The following HNRNPC variants were observed in gnomAD, a reference collection of about 807,000 sequenced individuals.
HNRNPC encodes the protein heterogeneous nuclear ribonucleoprotein C, also known as heterogeneous nuclear ribonucleoproteins C1/C2.
Under a neutral mutation model 33.2 loss-of-function variants are expected in HNRNPC, and 3 were observed. That is an observed-to-expected ratio of 0.09 (90% CI 0.04 to 0.23). The LOEUF is 0.23. HNRNPC is among the 10% of genes least tolerant of loss of function. HNRNPC has a pLI of 1.00. For missense variants in HNRNPC, 143 were observed against 366.7 expected, an observed-to-expected ratio of 0.39 and a Z score of 4.98; for synonymous variants, 121 against 126.7, an observed-to-expected ratio of 0.96 and a Z score of 0.30.
chr14:21,247,895 GAGAA>G (rs1329730896), intron 2 of HNRNPC, among the ~76,000 whole-genome samples: 2 of 151,870 alleles, frequency 1.3e-5, no homozygotes, highest in South Asian at 2.1e-4. Flanking sequence ...GCCGAGGCAT[GAGAA>G]AGAATCGCCA....
At chr14:21,227,915 C>T (rs1299169474) in intron 5 of HNRNPC, among the ~76,000 whole-genome samples, 2 of 152,138 alleles carry the variant, frequency 1.3e-5, no homozygotes, top group Admixed American at 6.5e-5. Context: ...TGAGCCATGA[C>T]AAAGAAATAG....
At chr14:21,244,436 C>T (rs774169716) in intron 2 of HNRNPC, among the ~76,000 whole-genome samples, 2 of 152,078 alleles carry the variant, frequency 1.3e-5, no homozygotes, top group African/African-American at 2.4e-5. Flanking sequence ...TTTAATTTCC[C>T]CCGAGGTCCC....
intron 1 of HNRNPC, chr14:21,264,044 T>A (rs1878592019): frequency 6.6e-6 from 1 of 152,190 alleles, no homozygotes; most frequent in South Asian, 2.1e-4. Flanking sequence ...ACTAAATTCA[T>A]GTCAATATGC....
intron 2 of HNRNPC, among the ~76,000 whole-genome samples, chr14:21,247,097 T>C (rs1420690362): frequency 6.6e-6 from 1 of 152,194 alleles, no homozygotes. Context: ...TGGCAGCTGG[T>C]GCCTTAATAC....
intron 2 of HNRNPC, among the ~76,000 whole-genome samples, chr14:21,259,220 AC>A (rs1877755274): frequency 6.6e-6 from 1 of 152,116 alleles, no homozygotes; most frequent in African/African-American, 2.4e-5. Context: ...AATGAGCTTC[AC>A]CATTAGCTAC....
rs565455461 is a variant in HNRNPC at position 21,236,566 on chromosome 14, A to C, written c.-36-2337T>G. On this transcript the variant is annotated intron_variant, in intron 2 of 8. Transcript: ENST00000553300. ...AGGGAAAATCCAGGGCACAAATAGT[A>C]ACAAAGACTGTCCTGAGAGCTTCCT... 2.6e-5 allele frequency: 4 copies of C among 152,308 alleles called. No homozygotes were observed. The South Asian group carries it at 8.3e-4, about 32-fold the overall frequency. 9.4% of individuals were successfully genotyped at this position (152,308 alleles called of 1,614,324 possible).
chr14:21,212,109 T>C (rs751001422), intron 6 of HNRNPC, 186 bp from the exon 7 acceptor site: 18 of 560,072 alleles, frequency 3.2e-5, no homozygotes, highest in Non-Finnish European at 5.7e-5. Context: ...ATGGTTTTTA[T>C]TGTTTTTAAT....
chr14:21,263,211 TTAATA>T (rs1456176366), intron 2 of HNRNPC, 95 bp downstream of exon 2: 3 of 152,102 alleles, frequency 2.0e-5, no homozygotes, highest in East Asian at 1.9e-4. Flanking sequence ...ATCATAAGTA[TTAATA>T]TAATAATAAT....
At position 21,211,910 on chromosome 14, in the gene HNRNPC, G is replaced by A; in HGVS notation, c.537C>T (p.Asp179=). ...SSKSGKLKGD[D]LQAIKKELTQ... is the part of the protein sequence containing the mutation. ...TCAGCTCCTTCTTAATGGCCTGAAG[G>A]TCATCTCCTTTCACTTTAATATAAA... The change falls in exon 7 of 9, where the codon GAC becomes GAT. Residue 179 remains aspartate (D), a synonymous_variant. Transcript: ENST00000553300. 1 of 1,611,728 alleles carries A rather than the reference G, an allele frequency of 6.2e-7. No homozygotes were observed. Among genetic ancestry groups the A allele is most frequent in the Non-Finnish European group, 8.5e-7 (1 of 1,178,118 alleles).
intron 5 of HNRNPC, among the ~76,000 whole-genome samples, chr14:21,226,526 C>T (rs962444513): frequency 6.6e-6 from 1 of 151,490 alleles, no homozygotes; most frequent in East Asian, 1.9e-4. Flanking sequence ...TTTATTACAA[C>T]ACCTTTCGCA....
At chr14:21,236,808 T>C (rs1333601679) in intron 2 of HNRNPC, among the ~76,000 whole-genome samples, 2 of 151,956 alleles carry the variant, frequency 1.3e-5, no homozygotes, top group African/African-American at 2.4e-5. Flanking sequence ...AAGAGCAGAG[T>C]AGTTTTTGAA....
chr14:21,214,679 G>A (rs1174302632), intron 5 of HNRNPC, among the ~76,000 whole-genome samples: 1 of 152,164 alleles, frequency 6.6e-6, no homozygotes, highest in Non-Finnish European at 1.5e-5. Context: ...AAGATACTGA[G>A]TAACTTTTTA....
chr14:21,215,543 T>C (rs1156284271), intron 5 of HNRNPC, among the ~76,000 whole-genome samples: 1 of 152,204 alleles, frequency 6.6e-6, no homozygotes, highest in African/African-American at 2.4e-5. Context: ...GGTGTTGGTA[T>C]AAAATCTAGT....
At chr14:21,212,632 T>TC (rs1191366138) in intron 6 of HNRNPC, among the ~76,000 whole-genome samples, 1 of 151,856 alleles carries the variant, frequency 6.6e-6, no homozygotes, top group Non-Finnish European at 1.5e-5. Context: ...AACCTCCGCC[T>TC]CCTGGGTAAA....
At chr14:21,212,083 T>C (rs947806255) in intron 6 of HNRNPC, 160 bp from the exon 7 acceptor site, 2 of 610,244 alleles carry the variant, frequency 3.3e-6, no homozygotes, top group Admixed American at 2.9e-5. Context: ...GGTTCTATTA[T>C]AAAGCACGTT....
chr14:21,211,114 G>A lies in HNRNPC; in HGVS notation c.*109C>T, dbSNP rs1183457243. ...GAAGGACAAGGATGGGGAGAACAGTGAGCATGTGCTGAAGATACTAGGGGA... is the reference window on the plus strand; with the variant it reads ...GAAGGACAAGGATGGGGAGAACAGTAAGCATGTGCTGAAGATACTAGGGGA... On this transcript the variant is annotated 3_prime_UTR_variant, in exon 9 of 9. Transcript: ENST00000553300. 6.1e-6 allele frequency: 7 copies of A among 1,152,622 alleles called. No homozygotes were observed. In the Admixed American group the frequency reaches 1.3e-4, roughly 21 times the overall value. The allele number at this position is 1,152,622 out of a possible 1,614,324, so 71.4% of individuals were successfully genotyped here.
intron 2 of HNRNPC, among the ~76,000 whole-genome samples, chr14:21,250,800 TAATAAAAAAGGA>T (rs1290822222): frequency 1.3e-5 from 2 of 152,078 alleles, no homozygotes; most frequent in East Asian, 3.8e-4. Context: ...CCAAGCCAAG[TAATAAAAAAGGA>T]GTGAAAAGTG....
chr14:21,242,486 A>G (rs1895471889), intron 2 of HNRNPC, among the ~76,000 whole-genome samples: 1 of 152,236 alleles, frequency 6.6e-6, no homozygotes, highest in Non-Finnish European at 1.5e-5. Flanking sequence ...TCCGTCTCAA[A>G]AAGATGTTAA....
intron 2 of HNRNPC, among the ~76,000 whole-genome samples, chr14:21,237,815 AG>A (rs1894882109): frequency 6.6e-6 from 1 of 152,114 alleles, no homozygotes; most frequent in Non-Finnish European, 1.5e-5. Context: ...CTCGTTGCCA[AG>A]GATGGAGTGC....
Sources: gnomAD v4.1 joint callset for allele counts (sites outside exome capture counted in the v4.1 genomes callset) on GRCh38, gnomAD v4.1.1 for gene constraint, MANE v1.5 for transcripts, NCBI Gene and HGNC (gene_info 2026-07-23, HGNC 2026-07-21) for gene names.